RUBCNL: variants seen among roughly 807,000 people sequenced by gnomAD.
RUBCNL encodes the protein rubicon like autophagy enhancer, also known as protein associated with UVRAG as autophagy enhancer.
A neutral mutation model predicts 69.5 loss-of-function variants in RUBCNL; 62 were observed. The observed-to-expected ratio is 0.89, with a 90% CI of 0.73 to 1.10. The LOEUF (loss-of-function observed/expected upper bound fraction) is 1.10. Among genes scored for constraint, RUBCNL ranks in the 50% least tolerant of loss-of-function variants. The pLI, the probability that RUBCNL is intolerant of heterozygous loss-of-function variation, is 0.00. For missense variants in RUBCNL, 768 were observed against 798.1 expected (o/e 0.96, Z 0.45); for synonymous variants, 291 against 303.6 (o/e 0.96, Z 0.43).
chr13:46,362,674 A>G (rs1259444388), intron 6 of RUBCNL, 76 bp from the exon 7 acceptor site: 30 of 963,928 alleles, frequency 3.1e-5, no homozygotes, highest in Non-Finnish European at 4.7e-5. Context: ...TTATAAGAAC[A>G]CTAAAATCAC....
intron 1 of RUBCNL, among the ~76,000 whole-genome samples, chr13:46,379,231 C>G (rs924267775): frequency 6.6e-6 from 1 of 152,164 alleles, no homozygotes; most frequent in African/African-American, 2.4e-5. Flanking sequence ...TGCCCGCCAC[C>G]ATGCCTGGCT....
At position 46,376,468 on chromosome 13, in the gene RUBCNL, G is replaced by T. The variant is rs1042393956; in HGVS notation, c.-123+1422C>A. Among the ~76,000 whole-genome samples, 69 of 152,170 alleles carry T rather than the reference G, an allele frequency of 4.5e-4. 1 individual carries two copies. The highest frequency in any genetic ancestry group is 1.6e-3 in the African/African-American group (66 of 41,504). ...CACAAAATATCACAGAGTACAGCTG[G>T]TTGTGTTAACCGCCAGAACTCACCA... On this transcript the variant is annotated intron_variant, in intron 2 of 14. Transcript: ENST00000429979.
At position 46,343,237 on chromosome 13, in the gene RUBCNL, C is replaced by G. The variant is rs571748588; in HGVS notation, c.*148G>C. 5.3e-5 allele frequency: 65 copies of G among 1,233,276 alleles called. No individual in the cohort carries two copies. In the South Asian group the frequency reaches 9.2e-4, roughly 17 times the overall value. 76.4% of individuals were successfully genotyped at this position (1,233,276 alleles called of 1,614,324 possible). On this transcript the variant is annotated 3_prime_UTR_variant, in exon 15 of 15. Transcript: ENST00000429979. The stretch of plus-strand genomic sequence containing the variant: ...ACACAGAATCTGCATTCTTTTGAAA[C>G]ATTAAGTATATGCAATAAAGAGAAT...
At chr13:46,351,421 T>C (rs1275316107) in intron 10 of RUBCNL, among the ~76,000 whole-genome samples, 1 of 152,250 alleles carries the variant, frequency 6.6e-6, no homozygotes, top group Non-Finnish European at 1.5e-5. Flanking sequence ...AACTAATTTG[T>C]AGGAAGACAT....
At chr13:46,386,489 C>A (rs1231731209) in intron 1 of RUBCNL, among the ~76,000 whole-genome samples, 1 of 148,822 alleles carries the variant, frequency 6.7e-6, no homozygotes, top group African/African-American at 2.5e-5. Flanking sequence ...GTTTTCCAAG[C>A]GGACAGCATC....
rs1594121970 is a variant in RUBCNL at position 46,335,865 on chromosome 13, T to C, written c.*7520A>G. ...AGAAATACTAATACAAGCACAGCTA[T>C]CAGTGGGCTGCTGAGTACCAGCCTC... On this transcript the variant is annotated 3_prime_UTR_variant, in exon 15 of 15. Transcript: ENST00000429979. 1.3e-5 allele frequency among the ~76,000 whole-genome samples: 2 copies of C among 152,214 alleles called. No homozygotes were observed. Among genetic ancestry groups the C allele is most frequent in the African/African-American group, 4.8e-5 (2 of 41,452 alleles).
chr13:46,349,454 T>C (rs2048322108), intron 11 of RUBCNL, 107 bp from the exon 12 acceptor site: 1 of 1,090,942 alleles, frequency 9.2e-7, no homozygotes, highest in Non-Finnish European at 1.4e-6. Flanking sequence ...GCTGCACTTG[T>C]ATAAAACAAA....
intron 3 of RUBCNL, among the ~76,000 whole-genome samples, chr13:46,371,257 T>A (rs1238202345): frequency 1.3e-5 from 2 of 152,220 alleles, no homozygotes; most frequent in East Asian, 1.9e-4. Flanking sequence ...AAATGTAAAT[T>A]AATAATGACA....
intron 6 of RUBCNL, 56 bp from the exon 7 acceptor site, chr13:46,362,654 G>A (rs41284171): frequency 0.068 from 85,004 of 1,248,310 alleles, 3,492 homozygotes; most frequent in Non-Finnish European, 0.082. Context: ...TCATTTAATC[G>A]CAGTCCATTT....
intron 14 of RUBCNL, 90 bp from the exon 15 acceptor site, chr13:46,343,587 G>C (rs2048179987): frequency 7.4e-7 from 1 of 1,344,278 alleles, no homozygotes; most frequent in Non-Finnish European, 1.0e-6. Flanking sequence ...GGGAGGGAGA[G>C]GGGTCTGAAT....
At chr13:46,366,989 G>A (rs1464885114) in intron 5 of RUBCNL, among the ~76,000 whole-genome samples, 3 of 152,182 alleles carry the variant, frequency 2.0e-5, no homozygotes, top group Non-Finnish European at 4.4e-5. Context: ...TAATAGCTGA[G>A]AAGGAATAAT....
At chr13:46,345,150 G>A (rs1189378779) in intron 13 of RUBCNL, among the ~76,000 whole-genome samples, 2 of 152,168 alleles carry the variant, frequency 1.3e-5, no homozygotes, top group Non-Finnish European at 2.9e-5. Context: ...AGAGCCTCCT[G>A]TTCCATTGAA....
At chr13:46,349,226 C>G in intron 12 of RUBCNL, 60 bp downstream of exon 12, 1 of 1,436,388 alleles carries the variant, frequency 7.0e-7, no homozygotes, top group Non-Finnish European at 9.8e-7. Context: ...ATGCAGGAGG[C>G]ACTAATAGGA....
At chr13:46,385,319 ACAAT>A (rs2049215144) in intron 1 of RUBCNL, 5 of 946,150 alleles carry the variant, frequency 5.3e-6, no homozygotes, top group Non-Finnish European at 6.3e-6. Flanking sequence ...AAAAGAAAAA[ACAAT>A]CAGAGATCTA....
rs2048667528 is a variant in RUBCNL at position 46,363,046 on chromosome 13, T to C, written c.925+69A>G. The C allele has an allele frequency of 5.1e-6, 4 of 784,086 alleles. No homozygotes were observed. The South Asian group carries it at 5.2e-5, about 10-fold the overall frequency. The allele number at this position is 784,086 out of a possible 1,614,324, so 48.6% of individuals were successfully genotyped here. On this transcript the variant is annotated intron_variant, in intron 6 of 14. Transcript: ENST00000429979. Reference sequence around the variant, plus strand: ...GTAACGTAATGTTGTGTGTGATGCATGTTAGTGTGTGTATGCGGATGGGAT... The same window carrying C: ...GTAACGTAATGTTGTGTGTGATGCACGTTAGTGTGTGTATGCGGATGGGAT...
At chr13:46,380,865 T>C (rs2049102473) in intron 1 of RUBCNL, among the ~76,000 whole-genome samples, 1 of 152,150 alleles carries the variant, frequency 6.6e-6, no homozygotes, top group African/African-American at 2.4e-5. Flanking sequence ...ATTAACATTC[T>C]ACCTAAAAAC....
At chr13:46,344,633 A>G (rs1243007296) in intron 14 of RUBCNL, 108 bp downstream of exon 14, 7 of 733,912 alleles carry the variant, frequency 9.5e-6, no homozygotes, top group African/African-American at 1.8e-5. Flanking sequence ...AACTGTGCTT[A>G]AATTATTAAG....
chr13:46,345,476 C>T lies in RUBCNL; in HGVS notation c.1756G>A (p.Ala586Thr), dbSNP rs775630155. Residue 586 changes from alanine to threonine, a missense_variant, in exon 13 of 15, where the codon GCT becomes ACT. Coordinates refer to ENST00000429979, the MANE Select transcript of RUBCNL (RefSeq NM_025113.5). The part of the protein sequence containing the change: ...LAPLLKDILK[A>T]SLAHVAGCEL... ...CAGCCAGCCACATGTGCAAGGGAAG[C>T]TTTCAGAATGTCCTTGAGTAAGGGT... 3 of 1,577,398 alleles carry T rather than the reference C, an allele frequency of 1.9e-6. No individual in the cohort carries two copies. In the African/African-American group the frequency reaches 4.1e-5, roughly 21 times the overall value.
chr13:46,372,331 G>A lies in RUBCNL; in HGVS notation c.145C>T (p.His49Tyr), dbSNP rs758484451. Residue 49 changes from histidine (H) to tyrosine (Y), a missense_variant, in exon 3 of 15, where the codon CAC (histidine) becomes TAC (tyrosine). Physicochemically the swap from His to Tyr is moderately conservative, Grantham distance 83 (BLOSUM62 2). Transcript: ENST00000429979. The stretch of plus-strand genomic sequence containing the variant: ...TGGGGGTTAATCCAGACAGCTTTGT[G>A]CCTCATGAGCCTGATGTCTAATTGG... The part of the protein sequence containing the change: ...PCQLDIRLMR[H>Y]KAVWINPQDV... The A allele has an allele frequency of 6.2e-7, 1 of 1,614,028 alleles. No homozygotes were observed. Among genetic ancestry groups the A allele is most frequent in the South Asian group, 1.1e-5 (1 of 91,082 alleles).
Sources: allele counts gnomAD v4.1 joint callset (sites outside exome capture counted in the v4.1 genomes callset), GRCh38; gene constraint gnomAD v4.1.1; transcripts MANE v1.5; gene names NCBI Gene and HGNC (gene_info 2026-07-23, HGNC 2026-07-21).